Variants in LRRIQ3 observed in about 807,000 individuals in gnomAD.
The protein encoded by LRRIQ3 is leucine rich repeats and IQ motif containing 3.
In LRRIQ3, 75 loss-of-function variants were observed where a neutral mutation model predicts 59.3. The observed-to-expected ratio is 1.26, with a 90% CI of 1.05 to 1.53. The LOEUF is 1.53. LRRIQ3 is among the 40% of genes most tolerant of loss of function. LRRIQ3 has a pLI of 0.00. For missense variants in LRRIQ3, 831 were observed against 710.0 expected, an observed-to-expected ratio of 1.17 and a Z score of -1.94; for synonymous variants, 250 against 231.3, an observed-to-expected ratio of 1.08 and a Z score of -0.73.
intron 4 of LRRIQ3, among the ~76,000 whole-genome samples, chr1:74,112,083 G>T (rs1646703747): frequency 6.6e-6 from 1 of 152,090 alleles, no homozygotes; most frequent in Non-Finnish European, 1.5e-5. Context: ...TTCTGAGACA[G>T]GTGAGGCAAG....
intron 4 of LRRIQ3, among the ~76,000 whole-genome samples, chr1:74,125,680 C>G (rs1423214454): frequency 6.6e-6 from 1 of 151,922 alleles, no homozygotes; most frequent in Admixed American, 6.6e-5. Flanking sequence ...GTTGAACCAT[C>G]CTTGCATTCC....
chr1:74,193,733 T>C (rs1398180271), intron 1 of LRRIQ3, among the ~76,000 whole-genome samples: 1 of 152,046 alleles, frequency 6.6e-6, no homozygotes, highest in East Asian at 1.9e-4. Flanking sequence ...TATTAAAATA[T>C]TAGATTTGAT....
intron 5 of LRRIQ3, among the ~76,000 whole-genome samples, chr1:74,099,953 C>A (rs958743215): frequency 6.6e-6 from 1 of 152,124 alleles, no homozygotes; most frequent in Non-Finnish European, 1.5e-5. Flanking sequence ...CAATATCATA[C>A]TGAATGGGCA....
intron 4 of LRRIQ3, among the ~76,000 whole-genome samples, chr1:74,154,240 CAAAAAAAAAAAAAAAAAAAAA>C (rs71078186): frequency 2.4e-4 from 14 of 57,278 alleles, no homozygotes; most frequent in South Asian, 7.6e-4. Context: ...GACTCCTTCT[CAAAAAAAAAAAAAAAAAAAAA>C]AAAAAAAAAA....
chr1:74,155,893 T>A, intron 3 of LRRIQ3, 27 bp from the exon 4 acceptor site: 1 of 1,158,774 alleles, frequency 8.6e-7, no homozygotes, highest in Non-Finnish European at 1.2e-6. Context: ...TAATTAATAA[T>A]TTTTATCTTT....
At chr1:74,181,037 AT>A (rs1649946017) in intron 3 of LRRIQ3, 1 of 456,192 alleles carries the variant, frequency 2.2e-6, no homozygotes, top group East Asian at 3.8e-5. Flanking sequence ...TGTCAGTATT[AT>A]TTACCACTGA....
At chr1:74,162,951 A>G (rs1648747973) in intron 3 of LRRIQ3, among the ~76,000 whole-genome samples, 1 of 151,606 alleles carries the variant, frequency 6.6e-6, no homozygotes, top group Non-Finnish European at 1.5e-5. Context: ...GACTATAGTT[A>G]ATAATAACAT....
At chr1:74,062,861 T>C (rs1295267236) in intron 6 of LRRIQ3, among the ~76,000 whole-genome samples, 2 of 150,904 alleles carry the variant, frequency 1.3e-5, no homozygotes, top group East Asian at 3.9e-4. Flanking sequence ...GGGTGAGGAG[T>C]GAAAAAATAC....
intron 6 of LRRIQ3, among the ~76,000 whole-genome samples, chr1:74,045,692 G>T (rs989984781): frequency 1.1e-4 from 16 of 152,278 alleles, no homozygotes; most frequent in African/African-American, 2.9e-4. Flanking sequence ...CAGATGACAT[G>T]ATTGTATATT....
chr1:74,096,462 C>A (rs1646450733), intron 5 of LRRIQ3, among the ~76,000 whole-genome samples: 1 of 152,012 alleles, frequency 6.6e-6, no homozygotes, highest in Non-Finnish European at 1.5e-5. Flanking sequence ...TATAGGAAAG[C>A]CAGTCAAAAG....
intron 6 of LRRIQ3, among the ~76,000 whole-genome samples, chr1:74,047,163 T>C (rs2100405020): frequency 1.3e-5 from 2 of 152,242 alleles, no homozygotes; most frequent in Admixed American, 1.3e-4. Context: ...TGTGGCACTG[T>C]TCACTATAGG....
chr1:74,039,436 T>G (rs575529298), intron 7 of LRRIQ3, among the ~76,000 whole-genome samples: 2 of 152,194 alleles, frequency 1.3e-5, no homozygotes, highest in African/African-American at 4.8e-5. Flanking sequence ...TTCCCAAACC[T>G]AGCAAGAAAA....
At chr1:74,176,983 C>A (rs140490839) in intron 3 of LRRIQ3, among the ~76,000 whole-genome samples, 1 of 152,206 alleles carries the variant, frequency 6.6e-6, no homozygotes, top group East Asian at 1.9e-4. Context: ...AATGTGAGAC[C>A]ACAGATTTTT....
At chr1:74,089,592 A>G (rs1347574665) in intron 5 of LRRIQ3, among the ~76,000 whole-genome samples, 1 of 152,122 alleles carries the variant, frequency 6.6e-6, no homozygotes, top group Non-Finnish European at 1.5e-5. Flanking sequence ...GCCAGACATA[A>G]AATAACATAT....
intron 6 of LRRIQ3, among the ~76,000 whole-genome samples, chr1:74,065,311 A>T (rs1196196414): frequency 6.6e-6 from 1 of 152,138 alleles, no homozygotes; most frequent in Non-Finnish European, 1.5e-5. Flanking sequence ...AATTTTAAGA[A>T]AGCTTTATAT....
chr1:74,120,747 G>C (rs1005659288), intron 4 of LRRIQ3, among the ~76,000 whole-genome samples: 2 of 151,812 alleles, frequency 1.3e-5, no homozygotes, highest in Non-Finnish European at 2.9e-5. Context: ...AAATAGCTCA[G>C]TCTTTTAAAA....
At chr1:74,060,405 ACTT>A (rs1165668769) in intron 6 of LRRIQ3, among the ~76,000 whole-genome samples, 1 of 136,806 alleles carries the variant, frequency 7.3e-6, no homozygotes, top group African/African-American at 2.8e-5. Flanking sequence ...CTTCTTTTCT[ACTT>A]CTTTTTTTCT....
At chr1:74,145,170 T>C (rs946883090) in intron 4 of LRRIQ3, among the ~76,000 whole-genome samples, 4 of 152,150 alleles carry the variant, frequency 2.6e-5, no homozygotes, top group African/African-American at 9.7e-5. Context: ...TCCTAAGAGC[T>C]AAGGCCACAG....
At position 74,167,813 on chromosome 1, in the gene LRRIQ3, AAC is replaced by A. The variant is rs201436183; in HGVS notation, c.574-11949_574-11948del. Among the ~76,000 whole-genome samples, 265 of 150,772 alleles carry A rather than the reference AAC, an allele frequency of 1.8e-3. 1 individual carries two copies. Among genetic ancestry groups the A allele is most frequent in the African/African-American group, 5.9e-3 (243 of 41,200 alleles). On this transcript the variant is annotated intron_variant, in intron 3 of 7. Transcript: ENST00000354431. ...ATTGTACAATTAAAAACATAAAATAAACACACACACACACACACGAAAGAATT... is the reference window on the plus strand; with the variant it reads ...ATTGTACAATTAAAAACATAAAATAAACACACACACACACACGAAAGAATT...
Sources: allele counts gnomAD v4.1 joint callset (sites outside exome capture counted in the v4.1 genomes callset), GRCh38; gene constraint gnomAD v4.1.1; transcripts MANE v1.5; gene names NCBI Gene and HGNC (gene_info 2026-07-23, HGNC 2026-07-21).